Variants in UTP18 observed in about 807,000 individuals in gnomAD.
UTP18 encodes the protein U3 small nucleolar RNA-associated protein 18 homolog.
A neutral mutation model predicts 61.1 loss-of-function variants in UTP18; 36 were observed. That is an observed-to-expected ratio of 0.59 (90% CI 0.45 to 0.78). The LOEUF (loss-of-function observed/expected upper bound fraction) is 0.78, where lower values mean the gene tolerates loss of function less well. UTP18 is among the 30% of genes least tolerant of loss of function. UTP18 has a pLI of 0.00. For synonymous variants in UTP18, 282 were observed against 251.1 expected (o/e 1.12, Z -1.16); for missense variants, 753 against 693.9 (o/e 1.09, Z -0.96).
intron 4 of UTP18, among the ~76,000 whole-genome samples, chr17:51,272,751 A>G (rs1029131255): frequency 5.3e-5 from 8 of 152,202 alleles, no homozygotes; most frequent in African/African-American, 1.9e-4. Context: ...GCCGCAATCC[A>G]AAATCTGGTG....
rs58180688 is a variant in UTP18 at position 51,269,839 on chromosome 17, T to TTGTGTGTGTG, written c.622+957_622+966dup. ...CTGCTTAAATATATCAAATAATGTA[T>TTGTGTGTGTG]TGTGTGTGTGTGTGTGTGTGTGTGT... On this transcript the variant is annotated intron_variant, in intron 4 of 13. Transcript: ENST00000225298. Among the ~76,000 whole-genome samples the TTGTGTGTGTG allele has an allele frequency of 1.2e-3, 171 of 137,800 alleles. 1 individual carries two copies. Among genetic ancestry groups the TTGTGTGTGTG allele is most frequent in the South Asian group, 3.0e-3 (13 of 4,348 alleles). 90.4% of individuals were successfully genotyped at this position (137,800 alleles called of 152,430 possible). A position where few individuals can be genotyped will look rare whatever the true frequency, so the allele number is the denominator to read the frequency against.
intron 4 of UTP18, among the ~76,000 whole-genome samples, chr17:51,272,714 C>T (rs1904569523): frequency 2.6e-5 from 4 of 152,176 alleles, no homozygotes; most frequent in Non-Finnish European, 5.9e-5. Context: ...TTGATTTCGT[C>T]TTTAATCCTA....
chr17:51,274,374 A>G (rs1038893192), intron 5 of UTP18, among the ~76,000 whole-genome samples: 6 of 152,196 alleles, frequency 3.9e-5, no homozygotes, highest in African/African-American at 1.4e-4. Context: ...CTGTCATACT[A>G]ACGGGCAGTA....
intron 10 of UTP18, among the ~76,000 whole-genome samples, chr17:51,285,766 A>T (rs1051542541): frequency 1.3e-5 from 2 of 152,188 alleles, no homozygotes; most frequent in African/African-American, 4.8e-5. Context: ...TTTTATAGAG[A>T]TGTGTGTATA....
chr17:51,273,183 A>C (rs1904584581), intron 4 of UTP18, among the ~76,000 whole-genome samples, 179 bp from the exon 5 acceptor site: 1 of 92,072 alleles, frequency 1.1e-5, no homozygotes, highest in South Asian at 5.2e-4. Flanking sequence ...TTCTCCTTTA[A>C]AATTTTTTTT....
Position 51,263,399 on chromosome 17 carries a change from A to T in UTP18, c.455+13A>T. ...AAGATGAGGAAATGTAAGTTGCCTA[A>T]CTTTTCTTCTGAATCCCTCTGTACA... is the stretch of plus-strand genomic sequence containing the variant. On this transcript the variant is annotated intron_variant, in intron 2 of 13. Coordinates refer to ENST00000225298, the MANE Select transcript of UTP18 (RefSeq NM_016001.3). 1 of 1,599,760 alleles carries T rather than the reference A, an allele frequency of 6.3e-7. No individual in the cohort carries two copies. The highest frequency in any genetic ancestry group is 2.2e-5 in the East Asian group (1 of 44,818).
chr17:51,261,920 T>C (rs1017579847), intron 1 of UTP18, among the ~76,000 whole-genome samples: 2 of 152,156 alleles, frequency 1.3e-5, no homozygotes, highest in African/African-American at 4.8e-5. Context: ...CATGCTGAAC[T>C]GTGCGACGGT....
At chr17:51,289,847 A>G (rs1905202484) in intron 11 of UTP18, among the ~76,000 whole-genome samples, 1 of 152,238 alleles carries the variant, frequency 6.6e-6, no homozygotes, top group Admixed American at 6.5e-5. Context: ...AAAGAGTTCT[A>G]CAAAAAGTTT....
intron 2 of UTP18, among the ~76,000 whole-genome samples, chr17:51,264,642 C>A (rs2055541367): frequency 6.7e-6 from 1 of 149,136 alleles, no homozygotes; most frequent in South Asian, 2.1e-4. Flanking sequence ...GGTAATATCT[C>A]TACCTAGTTT....
Position 51,286,480 on chromosome 17 carries a change from C to G in UTP18, c.1328+1112C>G, listed in dbSNP as rs577942988. The G allele has an allele frequency of 1.7e-4, 77 of 456,234 alleles. No individual in the cohort carries two copies. The Middle Eastern group carries it at 3.6e-3, about 21-fold the overall frequency. 28.3% of individuals were successfully genotyped at this position (456,234 alleles called of 1,614,324 possible). A position where few individuals can be genotyped will look rare whatever the true frequency, so the allele number is the denominator to read the frequency against. On this transcript the variant is annotated intron_variant, in intron 10 of 13. Transcript: ENST00000225298. ...CTACTCTTTGTTCACTCTCTCCTTCCAGGTTAAAACTGGGGAAACTGCTTG... is the reference window on the plus strand; with the variant it reads ...CTACTCTTTGTTCACTCTCTCCTTCGAGGTTAAAACTGGGGAAACTGCTTG...
chr17:51,291,609 C>G (rs1368670347), intron 11 of UTP18, among the ~76,000 whole-genome samples: 1 of 152,022 alleles, frequency 6.6e-6, no homozygotes, highest in Non-Finnish European at 1.5e-5. Context: ...GTAGCCCACA[C>G]CTGTAATCCC....
In UTP18 at chr17:51,266,294, T is replaced by C. The variant is rs73988585; in HGVS notation, c.554+14T>C. On this transcript the variant is annotated intron_variant, in intron 3 of 13. Coordinates refer to ENST00000225298, the MANE Select transcript of UTP18 (RefSeq NM_016001.3). ...ACTTAAAGAAGAGTAAGTGTCTTTT[T>C]TCATATGATTTACCAAGAGGTGTAT... The C allele has an allele frequency of 5.5e-3, 8,560 of 1,563,890 alleles. 431 individuals carry two copies. In the African/African-American group the frequency reaches 0.11, roughly 19 times the overall value.
intron 12 of UTP18, 67 bp downstream of exon 12, chr17:51,294,112 C>A: frequency 7.9e-7 from 1 of 1,264,608 alleles, no homozygotes; most frequent in Non-Finnish European, 1.0e-6. Flanking sequence ...TGAAGAGATA[C>A]TATATATTCC....
intron 9 of UTP18, among the ~76,000 whole-genome samples, chr17:51,281,467 A>C (rs185443460): frequency 2.0e-5 from 3 of 152,140 alleles, no homozygotes; most frequent in Admixed American, 2.0e-4. Context: ...GGAAACCTTC[A>C]GGGGGCAAAG....
At position 51,273,346 on chromosome 17, in the gene UTP18, G is replaced by C. The variant is rs1904594522; in HGVS notation, c.623-16G>C. 11 of 1,596,436 alleles carry C rather than the reference G, an allele frequency of 6.9e-6. No individual in the cohort carries two copies. Among genetic ancestry groups the C allele is most frequent in the African/African-American group, 1.3e-5 (1 of 74,472 alleles). ...ATTGATTCTAAAGATCAGCCTTCTG[G>C]GTTTGTTTGACTTAGATGAAAGTGA... On this transcript the variant is annotated splice_polypyrimidine_tract_variant and intron_variant, in intron 4 of 13. Transcript: ENST00000225298.
At chr17:51,287,955 A>C in intron 10 of UTP18, 74 bp from the exon 11 acceptor site, 2 of 1,179,460 alleles carry the variant, frequency 1.7e-6, no homozygotes, top group Non-Finnish European at 2.3e-6. Context: ...TGTGGGGTTA[A>C]ATCTATATTC....
chr17:51,265,021 T>G (rs2055545965), intron 2 of UTP18, among the ~76,000 whole-genome samples: 1 of 152,140 alleles, frequency 6.6e-6, no homozygotes, highest in Non-Finnish European at 1.5e-5. Context: ...TCCTTGTCTA[T>G]TGGAGACTTT....
At chr17:51,265,562 C>CTTTTTTTTTTTTTTTTTTTTTTTTT (rs10695281) in intron 2 of UTP18, among the ~76,000 whole-genome samples, 1 of 85,566 alleles carries the variant, frequency 1.2e-5, no homozygotes, top group African/African-American at 4.9e-5. Flanking sequence ...CGTGCCCGGC[C>CTTTTTTTTTTTTTTTTTTTTTTTTT]TTTTTTTTTT....
intron 9 of UTP18, among the ~76,000 whole-genome samples, chr17:51,281,730 A>G (rs1163975137): frequency 1.3e-5 from 2 of 152,192 alleles, no homozygotes; most frequent in African/African-American, 4.8e-5. Context: ...TTGGGGGGGA[A>G]CTGGTAAAGT....
Sources: allele counts gnomAD v4.1 joint callset (sites outside exome capture counted in the v4.1 genomes callset), GRCh38; gene constraint gnomAD v4.1.1; transcripts MANE v1.5; gene names NCBI Gene and HGNC (gene_info 2026-07-23, HGNC 2026-07-21).